The following TNKS variants were observed in gnomAD, a reference collection of about 807,000 sequenced individuals.
TNKS encodes poly [ADP-ribose] polymerase tankyrase-1.
A neutral mutation model predicts 135.8 loss-of-function variants in TNKS; 72 were observed. The ratio of observed to expected loss-of-function variants is 0.53; its 90% confidence interval spans 0.44 to 0.64. TNKS has a LOEUF of 0.64. Among genes scored for constraint, TNKS ranks in the 30% least tolerant of loss-of-function variants. The pLI is 0.00. For missense variants in TNKS, 1,769 were observed against 1,674.0 expected (o/e 1.06, Z -0.99); for synonymous variants, 849 against 649.3 (o/e 1.31, Z -4.68).
intron 26 of TNKS, among the ~76,000 whole-genome samples, chr8:9,772,066 GGGGAGAGA>G (rs1234734879): frequency 6.0e-4 from 79 of 130,922 alleles, no homozygotes; most frequent in African/African-American, 5.9e-4. Context: ...AGGGATGGAG[GGGGAGAGA>G]GGGAGAGAGA....
chr8:9,556,353 C>G lies in TNKS; in HGVS notation c.414C>G (p.Ser138=). ...SPSSSSSPTS[S]SSSSPSSPGS... is the part of the protein sequence containing the mutation. ...CGTCCTCTTCTTCCCCGACTTCTTC[C>G]TCATCTTCCTCTCCATCCTCCCCTG... The change falls in exon 1 of 27, where the codon TCC becomes TCG. Residue 138 remains serine (S), a synonymous_variant. Transcript: ENST00000310430. 6.2e-7 allele frequency: 1 copy of G among 1,614,256 alleles called. No individual in the cohort carries two copies. Among genetic ancestry groups the G allele is most frequent in the Non-Finnish European group, 8.5e-7 (1 of 1,180,046 alleles).
At chr8:9,677,783 A>G (rs926283320) in intron 3 of TNKS, among the ~76,000 whole-genome samples, 1 of 152,142 alleles carries the variant, frequency 6.6e-6, no homozygotes, top group African/African-American at 2.4e-5. Flanking sequence ...TGATGTTTCC[A>G]TTTCTTCTCT....
intron 4 of TNKS, 87 bp downstream of exon 4, chr8:9,680,074 G>C: frequency 1.0e-6 from 1 of 978,078 alleles, no homozygotes; most frequent in East Asian, 2.4e-5. Context: ...AAAATATAAC[G>C]TTATTGTCTT....
At chr8:9,579,600 G>T (rs1450527612) in intron 1 of TNKS, among the ~76,000 whole-genome samples, 1 of 152,030 alleles carries the variant, frequency 6.6e-6, no homozygotes, top group Non-Finnish European at 1.5e-5. Context: ...TCCCAAGTAG[G>T]TGGGATTACA....
intron 2 of TNKS, among the ~76,000 whole-genome samples, chr8:9,614,119 T>C (rs182561130): frequency 1.1e-4 from 16 of 152,210 alleles, no homozygotes; most frequent in African/African-American, 3.6e-4. Flanking sequence ...AGACCTTTTA[T>C]AAGCCAAATC....
chr8:9,716,446 C>G (rs6601350), intron 11 of TNKS, among the ~76,000 whole-genome samples: 88,806 of 151,914 alleles, frequency 0.58, 26,345 homozygotes, highest in Middle Eastern at 0.7. Context: ...TTCTCAGTAA[C>G]AAACCAACTC....
At chr8:9,684,334 A>G (rs921191058) in intron 5 of TNKS, among the ~76,000 whole-genome samples, 7 of 152,042 alleles carry the variant, frequency 4.6e-5, no homozygotes, top group African/African-American at 1.7e-4. Flanking sequence ...TTAAGGTGGT[A>G]ATATTCTCTT....
At chr8:9,682,105 G>T (rs547471613) in intron 5 of TNKS, among the ~76,000 whole-genome samples, 1 of 152,160 alleles carries the variant, frequency 6.6e-6, no homozygotes, top group African/African-American at 2.4e-5. Flanking sequence ...TCACACTCTT[G>T]TGTGCACTTG....
At chr8:9,695,768 A>G (rs576346456) in intron 5 of TNKS, among the ~76,000 whole-genome samples, 1 of 152,176 alleles carries the variant, frequency 6.6e-6, no homozygotes, top group Non-Finnish European at 1.5e-5. Flanking sequence ...GATTCTGGAT[A>G]TATTTTGGAG....
At chr8:9,635,417 G>A (rs1800473213) in intron 3 of TNKS, among the ~76,000 whole-genome samples, 1 of 152,142 alleles carries the variant, frequency 6.6e-6, no homozygotes, top group Non-Finnish European at 1.5e-5. Context: ...TCAATGTGGA[G>A]GGACTGTTGG....
chr8:9,767,464 C>T (rs1807524802), intron 25 of TNKS, among the ~76,000 whole-genome samples: 1 of 152,072 alleles, frequency 6.6e-6, no homozygotes, highest in Admixed American at 6.5e-5. Context: ...TTGGTTAAGA[C>T]CTTAAAAAGA....
intron 3 of TNKS, among the ~76,000 whole-genome samples, chr8:9,633,505 T>C (rs554339961): frequency 6.6e-5 from 10 of 152,332 alleles, no homozygotes; most frequent in African/African-American, 2.2e-4. Flanking sequence ...CAATAAGTGA[T>C]AACCAGCCTC....
chr8:9,598,804 T>C (rs1433498538), intron 2 of TNKS, among the ~76,000 whole-genome samples: 1 of 115,332 alleles, frequency 8.7e-6, no homozygotes, highest in African/African-American at 3.1e-5. Context: ...TATATATATA[T>C]ATATATATAT....
chr8:9,682,898 A>C (rs1802843241), intron 5 of TNKS, among the ~76,000 whole-genome samples: 1 of 151,974 alleles, frequency 6.6e-6, no homozygotes, highest in Non-Finnish European at 1.5e-5. Context: ...TTAAGAACGT[A>C]CCTCAAGCAT....
At position 9,613,972 on chromosome 8, in the gene TNKS, T is replaced by G. The variant is rs192164569; in HGVS notation, c.899-1610T>G. 5.4e-3 allele frequency among the ~76,000 whole-genome samples: 820 copies of G among 152,360 alleles called. 2 individuals are homozygous for G. The highest frequency in any genetic ancestry group is 9.2e-3 in the Non-Finnish European group (627 of 68,024). ...AGCAGGTTCTGCAGTTCCTGAAGTA[T>G]GCAGTTAAACTCTGCTTTTCATGGT... On this transcript the variant is annotated intron_variant, in intron 2 of 26. Transcript: ENST00000310430.
intron 3 of TNKS, among the ~76,000 whole-genome samples, chr8:9,633,959 C>G (rs969068622): frequency 6.6e-6 from 1 of 152,022 alleles, no homozygotes; most frequent in Non-Finnish European, 1.5e-5. Flanking sequence ...ATTCCTGACC[C>G]TCAGAAACTA....
intron 2 of TNKS, among the ~76,000 whole-genome samples, chr8:9,602,515 G>T (rs1228002405): frequency 6.6e-6 from 1 of 152,208 alleles, no homozygotes; most frequent in Non-Finnish European, 1.5e-5. Context: ...CCACCACTCA[G>T]ATTAACTGAG....
chr8:9,751,120 G>A (rs1806505243), intron 18 of TNKS, among the ~76,000 whole-genome samples: 1 of 152,208 alleles, frequency 6.6e-6, no homozygotes, highest in Non-Finnish European at 1.5e-5. Flanking sequence ...GAATTGATGG[G>A]TGGCTGTCTT....
chr8:9,586,118 G>A (rs903722056), intron 2 of TNKS, among the ~76,000 whole-genome samples: 10 of 151,938 alleles, frequency 6.6e-5, no homozygotes, highest in Non-Finnish European at 4.4e-5. Context: ...TTTTATTATC[G>A]TGAAATAACA....
Sources: gnomAD v4.1 joint callset for allele counts (sites outside exome capture counted in the v4.1 genomes callset) on GRCh38, gnomAD v4.1.1 for gene constraint, MANE v1.5 for transcripts, NCBI Gene and HGNC (gene_info 2026-07-23, HGNC 2026-07-21) for gene names.